NR3C2: variants seen among roughly 807,000 people sequenced by gnomAD.
NR3C2 encodes mineralocorticoid receptor.
NR3C2 carries 15 observed loss-of-function variants against 86.4 expected under a neutral mutation model. The observed-to-expected ratio is 0.17, with a 90% CI of 0.12 to 0.27. The LOEUF (loss-of-function observed/expected upper bound fraction) is 0.27. Among genes scored for constraint, NR3C2 ranks in the 10% least tolerant of loss-of-function variants. The probability of loss-of-function intolerance (pLI) is 1.00; values close to 1 mark genes in which losing one functional copy is unlikely to be tolerated. For synonymous variants in NR3C2, 458 were observed against 450.5 expected, an observed-to-expected ratio of 1.02 and a Z score of -0.21; for missense variants, 960 against 1,195.6, an observed-to-expected ratio of 0.80 and a Z score of 2.91.
intron 8 of NR3C2, among the ~76,000 whole-genome samples, chr4:148,110,900 CAT>C (rs1732018730): frequency 6.6e-6 from 1 of 152,052 alleles, no homozygotes; most frequent in African/African-American, 2.4e-5. Flanking sequence ...TAGAAGGAAA[CAT>C]AGAGAAAAGC....
intron 2 of NR3C2, among the ~76,000 whole-genome samples, chr4:148,265,856 C>T (rs972142329): frequency 4.6e-5 from 7 of 152,060 alleles, no homozygotes; most frequent in African/African-American, 7.2e-5. Context: ...TGAAAGTCTA[C>T]GGTGGGCCCC....
At chr4:148,302,375 C>T (rs1742381303) in intron 2 of NR3C2, among the ~76,000 whole-genome samples, 2 of 130,586 alleles carry the variant, frequency 1.5e-5, no homozygotes, top group South Asian at 5.7e-4. Flanking sequence ...TTATTTGGAG[C>T]TATTAATGGC....
chr4:148,082,845 C>T (rs767462305), intron 8 of NR3C2, among the ~76,000 whole-genome samples: 1 of 152,082 alleles, frequency 6.6e-6, no homozygotes, highest in Non-Finnish European at 1.5e-5. Context: ...GCCAGCACAG[C>T]AGTCTGAAGT....
chr4:148,137,947 A>C (rs1348687807), intron 6 of NR3C2, among the ~76,000 whole-genome samples: 4 of 152,192 alleles, frequency 2.6e-5, no homozygotes, highest in Non-Finnish European at 4.4e-5. Context: ...TGTTATTTAT[A>C]ATATGTGATG....
At chr4:148,207,310 T>G (rs984616767) in intron 3 of NR3C2, among the ~76,000 whole-genome samples, 1 of 152,164 alleles carries the variant, frequency 6.6e-6, no homozygotes, top group Non-Finnish European at 1.5e-5. Flanking sequence ...GATGGCAGGA[T>G]TCAAACTCAA....
chr4:148,247,792 C>A (rs987777291), intron 3 of NR3C2, among the ~76,000 whole-genome samples: 1 of 151,776 alleles, frequency 6.6e-6, no homozygotes, highest in Non-Finnish European at 1.5e-5. Context: ...CTGCTTTATC[C>A]CAAATTGGCT....
At chr4:148,101,792 A>G (rs1731550064) in intron 8 of NR3C2, among the ~76,000 whole-genome samples, 1 of 152,164 alleles carries the variant, frequency 6.6e-6, no homozygotes, top group Admixed American at 6.5e-5. Context: ...TCACTTACAT[A>G]CATCCCACCA....
chr4:148,436,506 A>G lies in NR3C2; in HGVS notation c.355T>C (p.Tyr119His). ...CTTCCTTGTTGGTTCTGCTGCTCAT[A>G]GGAATAGTCAGCATCTCTTACAGAA... ...MDSVRDADYS[Y>H]EQQNQQGSMS... is the part of the protein sequence containing the mutation. Residue 119 changes from tyrosine to histidine, a missense_variant, in exon 2 of 9, where the codon TAT (tyrosine) becomes CAT (histidine). Coordinates refer to ENST00000358102, the MANE Select transcript of NR3C2 (RefSeq NM_000901.5). The G allele has an allele frequency of 1.9e-6, 3 of 1,614,190 alleles. No individual in the cohort carries two copies. Among genetic ancestry groups the G allele is most frequent in the Non-Finnish European group, 2.5e-6 (3 of 1,180,026 alleles).
intron 3 of NR3C2, among the ~76,000 whole-genome samples, chr4:148,244,992 T>A (rs1041589325): frequency 2.0e-5 from 3 of 152,290 alleles, no homozygotes; most frequent in East Asian, 1.9e-4. Context: ...TTCAATGATT[T>A]TTTTTTCTCA....
chr4:148,321,562 C>A (rs1743593073), intron 2 of NR3C2, among the ~76,000 whole-genome samples: 1 of 152,046 alleles, frequency 6.6e-6, no homozygotes, highest in Non-Finnish European at 1.5e-5. Flanking sequence ...CTTGGTGCTC[C>A]TGTATTGGGT....
At chr4:148,427,372 C>A (rs1370864084) in intron 2 of NR3C2, among the ~76,000 whole-genome samples, 1 of 152,004 alleles carries the variant, frequency 6.6e-6, no homozygotes, top group East Asian at 1.9e-4. Context: ...TCTTCCTTAA[C>A]AATTTAGTCC....
chr4:148,269,319 C>A (rs1740552708), intron 2 of NR3C2, among the ~76,000 whole-genome samples: 1 of 152,114 alleles, frequency 6.6e-6, no homozygotes, highest in African/African-American at 2.4e-5. Flanking sequence ...GAAGGCTCAC[C>A]ATGGGGATGT....
intron 2 of NR3C2, among the ~76,000 whole-genome samples, chr4:148,364,816 T>G (rs1288463547): frequency 9.0e-5 from 3 of 33,464 alleles, no homozygotes; most frequent in Admixed American, 3.5e-4. Context: ...GGCTTTGGGT[T>G]TTTTTTTTTT....
At chr4:148,376,912 CAA>C (rs983901688) in intron 2 of NR3C2, among the ~76,000 whole-genome samples, 6 of 152,170 alleles carry the variant, frequency 3.9e-5, no homozygotes, top group African/African-American at 1.2e-4. Context: ...TCTTTTTCCT[CAA>C]AGTTATACTT....
chr4:148,176,191 T>C (rs1735367306), intron 4 of NR3C2, among the ~76,000 whole-genome samples: 1 of 152,230 alleles, frequency 6.6e-6, no homozygotes, highest in South Asian at 2.1e-4. Flanking sequence ...TAGTATCTTT[T>C]ACAAGAGCTA....
At chr4:148,399,818 C>T (rs1008362228) in intron 2 of NR3C2, among the ~76,000 whole-genome samples, 1 of 152,096 alleles carries the variant, frequency 6.6e-6, no homozygotes, top group African/African-American at 2.4e-5. Flanking sequence ...TACTCAAGCC[C>T]ATGGACAATC....
intron 3 of NR3C2, among the ~76,000 whole-genome samples, chr4:148,245,263 G>A (rs755632389): frequency 6.6e-6 from 1 of 152,098 alleles, no homozygotes; most frequent in Non-Finnish European, 1.5e-5. Context: ...AATCACTGAA[G>A]CATCTTGATA....
At chr4:148,271,200 T>C (rs572417095) in intron 2 of NR3C2, among the ~76,000 whole-genome samples, 3 of 152,362 alleles carry the variant, frequency 2.0e-5, no homozygotes, top group South Asian at 2.1e-4. Flanking sequence ...AAAATTCTTA[T>C]TGTTGTTATT....
At chr4:148,122,866 G>A (rs780896010) in intron 6 of NR3C2, among the ~76,000 whole-genome samples, 32 of 152,198 alleles carry the variant, frequency 2.1e-4, no homozygotes, top group Non-Finnish European at 3.7e-4. Flanking sequence ...ATTGTAAAAC[G>A]TGTGTTTGAA....
Sources: allele counts gnomAD v4.1 joint callset (sites outside exome capture counted in the v4.1 genomes callset), GRCh38; gene constraint gnomAD v4.1.1; transcripts MANE v1.5; gene names NCBI Gene and HGNC (gene_info 2026-07-23, HGNC 2026-07-21).